ANKRD6: variants seen among roughly 807,000 people sequenced by gnomAD.
ANKRD6 encodes the protein ankyrin repeat domain-containing protein 6.
Under a neutral mutation model 82.3 loss-of-function variants are expected in ANKRD6, and 56 were observed. That is an observed-to-expected ratio of 0.68 (90% CI 0.55 to 0.85). The LOEUF is 0.85. Among genes scored for constraint, ANKRD6 ranks in the 40% least tolerant of loss-of-function variants. ANKRD6 has a pLI of 0.00. For missense variants in ANKRD6, 852 were observed against 907.6 expected (o/e 0.94, Z 0.79); for synonymous variants, 347 against 352.1 (o/e 0.99, Z 0.16).
Position 89,606,002 on chromosome 6 carries a change from C to G in ANKRD6, c.319-5C>G. 1.3e-6 allele frequency: 2 copies of G among 1,573,334 alleles called. No individual in the cohort carries two copies. Among genetic ancestry groups the G allele is most frequent in the Non-Finnish European group, 1.7e-6 (2 of 1,154,602 alleles). On this transcript the variant is annotated splice_region_variant and splice_polypyrimidine_tract_variant and intron_variant, in intron 4 of 15. Coordinates refer to ENST00000339746, the MANE Select transcript of ANKRD6 (RefSeq NM_001242809.2). ...GTGCCTTTCCCACCTGTGTGTCTTC[C>G]TTAGGATGGGAATACAGCCTTGCAT...
chr6:89,588,994 CAAAAA>C (rs34892881), intron 2 of ANKRD6, among the ~76,000 whole-genome samples: 3 of 48,300 alleles, frequency 6.2e-5, no homozygotes, highest in Non-Finnish European at 1.1e-4. Flanking sequence ...GACTCTGTCT[CAAAAA>C]AAAAAAAAAA....
intron 1 of ANKRD6, among the ~76,000 whole-genome samples, chr6:89,523,856 CA>C (rs527266197): frequency 4.6e-4 from 70 of 152,160 alleles, no homozygotes; most frequent in African/African-American, 1.7e-3. Context: ...TCTTTTTTGT[CA>C]GCATTTGTAA....
intron 5 of ANKRD6, among the ~76,000 whole-genome samples, chr6:89,611,064 C>T (rs1800123926): frequency 6.6e-6 from 1 of 152,178 alleles, no homozygotes; most frequent in Non-Finnish European, 1.5e-5. Context: ...GCCTGTAATC[C>T]TCCCTGTGCC....
At chr6:89,586,467 T>TCACAAGGTCAAGA (rs1217602173) in intron 2 of ANKRD6, among the ~76,000 whole-genome samples, 13 of 152,016 alleles carry the variant, frequency 8.6e-5, no homozygotes, top group Non-Finnish European at 1.8e-4. Context: ...GGCGGGCGGA[T>TCACAAGGTCAAGA]CACAAGGTCA....
chr6:89,488,866 ATCTATTCTATTCTAT>A (rs57575981), intron 1 of ANKRD6, among the ~76,000 whole-genome samples: 4,109 of 143,202 alleles, frequency 0.029, 144 homozygotes, highest in African/African-American at 0.073. Context: ...AAATATATCG[ATCTATTCTATTCTAT>A]TCTATTCTAT....
chr6:89,532,765 G>A (rs376190031), intron 1 of ANKRD6, among the ~76,000 whole-genome samples: 20 of 151,894 alleles, frequency 1.3e-4, no homozygotes, highest in Admixed American at 7.9e-4. Flanking sequence ...GCAATGGCAC[G>A]ATCTTGGCTC....
At chr6:89,531,247 C>T (rs762875715) in intron 1 of ANKRD6, among the ~76,000 whole-genome samples, 3 of 152,154 alleles carry the variant, frequency 2.0e-5, no homozygotes, top group Non-Finnish European at 2.9e-5. Context: ...ACAGTTATGT[C>T]GCTGTTAGGA....
At chr6:89,572,416 T>C (rs1306494193) in intron 2 of ANKRD6, among the ~76,000 whole-genome samples, 1 of 152,224 alleles carries the variant, frequency 6.6e-6, no homozygotes, top group Non-Finnish European at 1.5e-5. Context: ...GCATTTGGTG[T>C]TTCAATCTTA....
At chr6:89,534,962 G>C (rs569284154) in intron 1 of ANKRD6, among the ~76,000 whole-genome samples, 1 of 152,286 alleles carries the variant, frequency 6.6e-6, no homozygotes, top group East Asian at 1.9e-4. Context: ...GCAAGGCAGT[G>C]CTGCACACTT....
intron 8 of ANKRD6, chr6:89,616,976 T>C: frequency 2.0e-6 from 1 of 509,148 alleles, no homozygotes; most frequent in Non-Finnish European, 3.8e-6. Flanking sequence ...AAGCTGTAAA[T>C]GCATGTGATG....
At chr6:89,589,176 A>C (rs984649286) in intron 2 of ANKRD6, among the ~76,000 whole-genome samples, 2 of 152,044 alleles carry the variant, frequency 1.3e-5, no homozygotes, top group African/African-American at 4.8e-5. Context: ...GTAGGGTCCA[A>C]GATACTGAAG....
At chr6:89,482,034 A>G (rs1776875569) in intron 1 of ANKRD6, among the ~76,000 whole-genome samples, 1 of 152,190 alleles carries the variant, frequency 6.6e-6, no homozygotes, top group Non-Finnish European at 1.5e-5. Context: ...ATAAGGTGGA[A>G]ATAGCTGGTG....
At chr6:89,441,265 C>G (rs956951213) in intron 1 of ANKRD6, among the ~76,000 whole-genome samples, 2 of 152,202 alleles carry the variant, frequency 1.3e-5, no homozygotes, top group African/African-American at 4.8e-5. Flanking sequence ...ATTCTCCTGC[C>G]TCAGCCTCCT....
intron 1 of ANKRD6, among the ~76,000 whole-genome samples, chr6:89,458,549 C>A (rs1454834444): frequency 6.6e-6 from 1 of 152,206 alleles, no homozygotes; most frequent in African/African-American, 2.4e-5. Flanking sequence ...AGTCCAAAAG[C>A]TGAAGAACCT....
chr6:89,563,323 G>A (rs1328701118), intron 1 of ANKRD6, among the ~76,000 whole-genome samples: 3 of 152,184 alleles, frequency 2.0e-5, no homozygotes, highest in African/African-American at 7.2e-5. Flanking sequence ...GGAAATCTTA[G>A]CAAGCTAAAT....
chr6:89,585,609 T>A (rs1793518875), intron 2 of ANKRD6, among the ~76,000 whole-genome samples: 2 of 152,218 alleles, frequency 1.3e-5, no homozygotes, highest in Admixed American at 1.3e-4. Flanking sequence ...GATGCAAGTT[T>A]TAGAAAGTAC....
chr6:89,632,222 C>T lies in ANKRD6; in HGVS notation c.*1218C>T, dbSNP rs186820118. The T allele has an allele frequency of 6.6e-6, 1 of 152,278 alleles. No homozygotes were observed. The allele number at this position is 152,278 out of a possible 1,614,324, so 9.4% of individuals were successfully genotyped here. ...AACGTAATTGTAATAAAATGCTGCT[C>T]ATTGAGCCAAAGAGAAGAAATGATT... On this transcript the variant is annotated 3_prime_UTR_variant, in exon 16 of 16. Transcript: ENST00000339746.
chr6:89,523,098 C>T (rs1782068483), intron 1 of ANKRD6, among the ~76,000 whole-genome samples: 1 of 152,186 alleles, frequency 6.6e-6, no homozygotes, highest in African/African-American at 2.4e-5. Context: ...TTGTTTTATT[C>T]TCACTTAACA....
chr6:89,524,913 T>C (rs1782287582), intron 1 of ANKRD6, among the ~76,000 whole-genome samples: 1 of 152,094 alleles, frequency 6.6e-6, no homozygotes, highest in Non-Finnish European at 1.5e-5. Context: ...TTTTAAATTA[T>C]GGCCATTCTT....
Sources: gnomAD v4.1 joint callset for allele counts (sites outside exome capture counted in the v4.1 genomes callset) on GRCh38, gnomAD v4.1.1 for gene constraint, MANE v1.5 for transcripts, NCBI Gene and HGNC (gene_info 2026-07-23, HGNC 2026-07-21) for gene names.